The following SPG7 variants were observed in gnomAD, a reference collection of about 807,000 sequenced individuals.
The protein encoded by SPG7 is mitochondrial inner membrane m-AAA protease component paraplegin.
A neutral mutation model predicts 81.9 loss-of-function variants in SPG7; 103 were observed. That is an observed-to-expected ratio of 1.26 (90% CI 1.07 to 1.48). The LOEUF is 1.48. Ranked by LOEUF, SPG7 falls within the 40% of genes most tolerant of loss-of-function variation. The pLI is 0.00. For synonymous variants in SPG7, 534 were observed against 444.2 expected (o/e 1.20, Z -2.54); for missense variants, 1,241 against 1,087.3 (o/e 1.14, Z -1.99).
intron 2 of SPG7, among the ~76,000 whole-genome samples, chr16:89,511,748 A>C (rs2058025803): frequency 6.6e-6 from 1 of 152,096 alleles, no homozygotes; most frequent in African/African-American, 2.4e-5. Context: ...TTTTATTATT[A>C]TTTGAGATAG....
At chr16:89,518,928 G>C (rs1373161155) in intron 3 of SPG7, 1 of 152,210 alleles carries the variant, frequency 6.6e-6, no homozygotes, top group Non-Finnish European at 1.5e-5. Flanking sequence ...ATAGTTTTGT[G>C]AGATGGAACC....
At chr16:89,544,882 C>T (rs1460967356) in intron 10 of SPG7, 110 bp downstream of exon 10, 3 of 1,350,732 alleles carry the variant, frequency 2.2e-6, no homozygotes, top group African/African-American at 1.4e-5. Flanking sequence ...CTGTCACAGC[C>T]CCACAGGTGC....
In SPG7 at chr16:89,550,502, A is replaced by T. The variant is rs369227537; in HGVS notation, c.1672A>T (p.Lys558Ter). Reference sequence around the variant, plus strand: ...CCCCGGCATTCTTTCAGGGACTGCCAAAAAGAGCAAGATCCTGTCCAAGGA... The same window carrying T: ...CCCCGGCATTCTTTCAGGGACTGCCTAAAAGAGCAAGATCCTGTCCAAGGA... ...AVERVLAGTA[K>*]KSKILSKEEQ... is the part of the protein sequence containing the mutation. The change falls in exon 13 of 17, where the codon AAA (lysine) becomes TAA (stop). Residue 558 changes from lysine to a stop codon, truncating the protein, a stop_gained. Coordinates refer to ENST00000645818, the MANE Select transcript of SPG7 (RefSeq NM_003119.4). LOFTEE classifies it high-confidence loss of function. 239 of 1,612,374 alleles carry T rather than the reference A, an allele frequency of 1.5e-4. No homozygotes were observed. The highest frequency in any genetic ancestry group is 2.0e-4 in the Non-Finnish European group (235 of 1,179,062).
chr16:89,542,714 C>G (rs2058510993), intron 9 of SPG7, among the ~76,000 whole-genome samples: 1 of 152,106 alleles, frequency 6.6e-6, no homozygotes, highest in Non-Finnish European at 1.5e-5. Flanking sequence ...TCAGCCTCCT[C>G]AGAGCGTTCA....
chr16:89,552,497 C>A (rs946252174), intron 13 of SPG7: 24 of 197,430 alleles, frequency 1.2e-4, no homozygotes, highest in Middle Eastern at 2.2e-3. Flanking sequence ...TCAGCGGTTC[C>A]GTGTTGTCGA....
At chr16:89,549,947 A>G in intron 12 of SPG7, 1 of 203,388 alleles carries the variant, frequency 4.9e-6, no homozygotes, top group South Asian at 8.3e-5. Flanking sequence ...TGTTCCTAAA[A>G]GCAGCAGGAG....
intron 9 of SPG7, among the ~76,000 whole-genome samples, chr16:89,533,990 A>G (rs998078885): frequency 6.6e-6 from 1 of 152,164 alleles, no homozygotes; most frequent in African/African-American, 2.4e-5. Context: ...CCTGGACAAC[A>G]CAGCGAGACC....
intron 3 of SPG7, chr16:89,518,730 A>G (rs1165507798): frequency 6.6e-6 from 1 of 152,208 alleles, no homozygotes; most frequent in South Asian, 2.1e-4. Context: ...TCTAAAGACA[A>G]AAATTAAAGA....
At chr16:89,554,803 T>C (rs780541532) in intron 16 of SPG7, 3 of 517,634 alleles carry the variant, frequency 5.8e-6, no homozygotes, top group Non-Finnish European at 7.0e-6. Flanking sequence ...TGCCTCTTCC[T>C]GCCATTAGCA....
intron 7 of SPG7, chr16:89,531,170 C>T (rs971478295): frequency 1.1e-5 from 4 of 377,266 alleles, no homozygotes; most frequent in Non-Finnish European, 2.0e-5. Context: ...CACGTTTCCT[C>T]CGCGGGCCTG....
chr16:89,548,598 C>T, intron 12 of SPG7: 1 of 280,834 alleles, frequency 3.6e-6, no homozygotes, highest in South Asian at 3.2e-5. Context: ...TCTGGTGAAA[C>T]TCATGGTCCC....
rs199689138 is a variant in SPG7 at position 89,553,796 on chromosome 16, G to T, written c.1939G>T (p.Ala647Ser). 345 of 1,613,344 alleles carry T rather than the reference G, an allele frequency of 2.1e-4. No homozygotes were observed. The highest frequency in any genetic ancestry group is 2.7e-4 in the Non-Finnish European group (323 of 1,180,018). The change falls in exon 15 of 17, where the codon GCA (alanine) becomes TCA (serine). Residue 647 changes from alanine (A) to serine (S), a missense_variant and splice_region_variant. Physicochemically the swap from Ala to Ser is moderately conservative, Grantham distance 99 (BLOSUM62 1). Transcript: ENST00000645818. Reference sequence around the variant, plus strand: ...TCTGTCTCGACCCCGCCCTCCAGGGGCACAGGACGACCTGAGGAAGGTCAC... The same window carrying T: ...TCTGTCTCGACCCCGCCCTCCAGGGTCACAGGACGACCTGAGGAAGGTCAC... ...ALSFNEVTSGAQDDLRKVTRI... is the reference protein window; with the variant it reads ...ALSFNEVTSGSQDDLRKVTRI...
intron 2 of SPG7, among the ~76,000 whole-genome samples, chr16:89,512,258 T>C (rs2058033581): frequency 6.6e-6 from 1 of 151,660 alleles, no homozygotes. Context: ...GACAGCTCTG[T>C]GTGAGGAGTG....
intron 7 of SPG7, 48 bp from the exon 8 acceptor site, chr16:89,531,856 A>G (rs1181846644): frequency 6.2e-7 from 1 of 1,610,556 alleles, no homozygotes; most frequent in African/African-American, 1.3e-5. Context: ...AAAAACAAAA[A>G]AACGGAATCC....
intron 3 of SPG7, among the ~76,000 whole-genome samples, chr16:89,515,172 G>A (rs1390583572): frequency 1.3e-5 from 2 of 151,422 alleles, no homozygotes; most frequent in East Asian, 1.9e-4. Flanking sequence ...TCCTGACCTC[G>A]TGATCTGCGT....
chr16:89,553,304 G>A, intron 14 of SPG7, 169 bp downstream of exon 14: 1 of 738,870 alleles, frequency 1.4e-6, no homozygotes, highest in South Asian at 1.6e-5. Context: ...AGCTAAGCAA[G>A]ACTTCTTAGA....
intron 12 of SPG7, chr16:89,550,127 GCC>G (rs1377033281): frequency 1.4e-5 from 5 of 352,420 alleles, no homozygotes; most frequent in Non-Finnish European, 2.8e-5. Flanking sequence ...CAGGAGCAGG[GCC>G]CAGCCAGGGA....
intron 10 of SPG7, chr16:89,545,926 C>T: frequency 4.4e-6 from 2 of 452,798 alleles, no homozygotes; most frequent in South Asian, 3.1e-5. Context: ...GATCACCACT[C>T]ACTGCGGCCT....
At chr16:89,535,474 C>G (rs1478086047) in intron 9 of SPG7, among the ~76,000 whole-genome samples, 2 of 152,210 alleles carry the variant, frequency 1.3e-5, no homozygotes, top group Non-Finnish European at 2.9e-5. Context: ...GCTGCTTGTC[C>G]CCCGTGTCTC....
Sources: gnomAD v4.1 joint callset for allele counts (sites outside exome capture counted in the v4.1 genomes callset) on GRCh38, gnomAD v4.1.1 for gene constraint, MANE v1.5 for transcripts, NCBI Gene and HGNC (gene_info 2026-07-23, HGNC 2026-07-21) for gene names.